GPR84: variants seen among roughly 807,000 people sequenced by gnomAD.
GPR84 encodes G protein-coupled receptor 84.
A neutral mutation model predicts 14.9 loss-of-function variants in GPR84; 8 were observed. The observed-to-expected ratio is 0.54, with a 90% CI of 0.31 to 0.97. GPR84 has a LOEUF of 0.97. GPR84 is among the 50% of genes least tolerant of loss of function. The pLI is 0.04. For missense variants in GPR84, 424 were observed against 498.7 expected, an observed-to-expected ratio of 0.85 and a Z score of 1.43; for synonymous variants, 164 against 198.1, an observed-to-expected ratio of 0.83 and a Z score of 1.45.
downstream of GPR84, among the ~76,000 whole-genome samples, chr12:54,361,489 G>C (rs933001278): frequency 6.6e-6 from 1 of 152,136 alleles, no homozygotes; most frequent in African/African-American, 2.4e-5. This position sits in a 1 kb window ranked among gnomAD's most constrained non-coding sequence, Gnocchi z 4.3. Context: ...TCCTGCCTCA[G>C]CCTTCTGAGT....
In GPR84 at chr12:54,362,567, T is replaced by C. The variant is rs1954280040; in HGVS notation, c.*94A>G. On this transcript the variant is annotated 3_prime_UTR_variant, in exon 2 of 2. Coordinates refer to ENST00000267015, the MANE Select transcript of GPR84 (RefSeq NM_020370.3). This position sits in a 1 kb window ranked among gnomAD's most constrained non-coding sequence, Gnocchi z 4.0. ...GGCTGGGGAGAGATTGTTGTGAAAA[T>C]GCCCACATGTGTTATTTCACCTATT... is the stretch of plus-strand genomic sequence containing the variant. 2.6e-6 allele frequency: 2 copies of C among 757,866 alleles called. No individual in the cohort carries two copies. The highest frequency in any genetic ancestry group is 2.2e-6 in the Non-Finnish European group (1 of 444,988). The allele number at this position is 757,866 out of a possible 1,614,324, so 46.9% of individuals were successfully genotyped here. A position where few individuals can be genotyped will look rare whatever the true frequency, so the allele number is the denominator to read the frequency against.
rs1453442822 is a variant in GPR84, at chr12:54,363,131, G to C, written c.721C>G (p.Leu241Val). ...CCTCCTGATGCTAACCTGCTGTCCA[G>C]CTCCTGGAAACGACCAGGCATGGCC... The part of the protein sequence containing the change: ...DEAMPGRFQE[L>V]DSRLASGGPS... Residue 241 changes from leucine (L) to valine (V), a missense_variant, in exon 2 of 2, where the codon CTG becomes GTG. Leu to Val is a conservative substitution (Grantham distance 32). Coordinates refer to ENST00000267015, the MANE Select transcript of GPR84 (RefSeq NM_020370.3). 5 of 1,614,224 alleles carry C rather than the reference G, an allele frequency of 3.1e-6. No homozygotes were observed. Among genetic ancestry groups the C allele is most frequent in the Non-Finnish European group, 2.5e-6 (3 of 1,180,040 alleles).
the GPR84 span, among the ~76,000 whole-genome samples, chr12:54,354,823 C>A: frequency 6.6e-6 from 1 of 152,254 alleles, no homozygotes; most frequent in Admixed American, 6.5e-5. Flanking sequence ...TGGTCACCTT[C>A]TGCCCACCCT....
chr12:54,350,797 A>C, the GPR84 span: 1 of 522,196 alleles, frequency 1.9e-6, no homozygotes, highest in East Asian at 3.2e-5. Context: ...GATTATGCTC[A>C]CATGCTCCCT....
the GPR84 span, among the ~76,000 whole-genome samples, chr12:54,357,013 G>C: frequency 2.6e-5 from 4 of 152,182 alleles, no homozygotes; most frequent in African/African-American, 9.7e-5. Flanking sequence ...CCCAGTTGAA[G>C]AGGCAGATTT....
In GPR84 at chr12:54,363,754, G is replaced by A. The variant is rs1455312152; in HGVS notation, c.98C>T (p.Thr33Ile). 8 of 1,613,792 alleles carry A rather than the reference G, an allele frequency of 5.0e-6. No homozygotes were observed. The highest frequency in any genetic ancestry group is 6.8e-6 in the Non-Finnish European group (8 of 1,179,984). ...AVSWGVVVAVTGTVGNVLTLL... is the reference protein window; with the variant it reads ...AVSWGVVVAVIGTVGNVLTLL... ...GGTGAGCACATTGCCCACGGTGCCTGTCACAGCCACCACCACCCCCCAGCT... is the reference window on the plus strand; with the variant it reads ...GGTGAGCACATTGCCCACGGTGCCTATCACAGCCACCACCACCCCCCAGCT... The change falls in exon 2 of 2, where the codon ACA becomes ATA. Residue 33 changes from threonine (T) to isoleucine (I), a missense_variant. Physicochemically the swap from Thr to Ile is moderately conservative, Grantham distance 89. Transcript: ENST00000267015.
At chr12:54,356,630 T>A in the GPR84 span, among the ~76,000 whole-genome samples, 2 of 152,144 alleles carry the variant, frequency 1.3e-5, no homozygotes, top group African/African-American at 4.8e-5. Context: ...CTTCTTGCCT[T>A]TACCCTATTG....
At chr12:54,354,259 G>A in the GPR84 span, among the ~76,000 whole-genome samples, 1 of 151,904 alleles carries the variant, frequency 6.6e-6, no homozygotes, top group East Asian at 1.9e-4. Flanking sequence ...GGGACTACAG[G>A]TGTGTGCCAC....
chr12:54,363,281 G>T lies in GPR84; in HGVS notation c.571C>A (p.Leu191Ile). ...ILMGIYFVLG[L>I]SSVGIFYCLI... ...CAATAGAAGATGCCAACACTGCTGA[G>T]CCCAAGCACAAAGTAGATGCCCATG... Residue 191 changes from leucine (L) to isoleucine (I), a missense_variant, in exon 2 of 2, where the codon CTC becomes ATC. By Grantham distance (5) the Leu-to-Ile change is conservative (BLOSUM62 2). Coordinates refer to ENST00000267015, the MANE Select transcript of GPR84 (RefSeq NM_020370.3). 1 of 1,614,148 alleles carries T rather than the reference G, an allele frequency of 6.2e-7. No individual in the cohort carries two copies. Among genetic ancestry groups the T allele is most frequent in the Non-Finnish European group, 8.5e-7 (1 of 1,180,012 alleles).
At chr12:54,358,479 C>T (rs1480875860), downstream of GPR84, among the ~76,000 whole-genome samples, 1 of 152,192 alleles carries the variant, frequency 6.6e-6, no homozygotes, top group Non-Finnish European at 1.5e-5. Flanking sequence ...CGCTCTCCCT[C>T]TCTCTTTTCT....
chr12:54,361,579 C>T (rs1203007443), downstream of GPR84, among the ~76,000 whole-genome samples: 1 of 152,178 alleles, frequency 6.6e-6, no homozygotes, highest in Non-Finnish European at 1.5e-5. This position sits in a 1 kb window ranked among gnomAD's most constrained non-coding sequence, Gnocchi z 4.3. Context: ...CTGTGTTGGT[C>T]AGGCTGGTCT....
At position 54,363,429 on chromosome 12, in the gene GPR84, C is replaced by G; in HGVS notation, c.423G>C (p.Leu141=). 2 of 1,614,068 alleles carry G rather than the reference C, an allele frequency of 1.2e-6. No individual in the cohort carries two copies. The highest frequency in any genetic ancestry group is 1.7e-6 in the Non-Finnish European group (2 of 1,179,974). Residue 141 remains leucine, a synonymous_variant, in exon 2 of 2, where the codon CTG becomes CTC. Transcript: ENST00000267015. ...VFSAKGIVLA[L]VSTWVVGVAS... ...CCACGCCCACAACCCAGGTGCTCACCAGTGCCAGCACTATCCCCTTGGCAC... is the reference window on the plus strand; with the variant it reads ...CCACGCCCACAACCCAGGTGCTCACGAGTGCCAGCACTATCCCCTTGGCAC...
At chr12:54,354,109 C>G in the GPR84 span, among the ~76,000 whole-genome samples, 7 of 151,202 alleles carry the variant, frequency 4.6e-5, no homozygotes, top group East Asian at 1.2e-3. Flanking sequence ...CTTTTCTTTT[C>G]TCTTTTCTTT....
chr12:54,356,195 T>C, the GPR84 span, among the ~76,000 whole-genome samples: 2 of 151,920 alleles, frequency 1.3e-5, no homozygotes, highest in East Asian at 1.9e-4. Context: ...GGAAAGGAAA[T>C]AGGGGTGATT....
chr12:54,357,809 G>T (rs910612672), downstream of GPR84, among the ~76,000 whole-genome samples: 5 of 152,180 alleles, frequency 3.3e-5, no homozygotes, highest in African/African-American at 1.2e-4. Flanking sequence ...GGGACAGGGG[G>T]GAAATGGGCT....
the GPR84 span, among the ~76,000 whole-genome samples, chr12:54,356,866 G>A: frequency 1.3e-5 from 2 of 152,334 alleles, no homozygotes; most frequent in East Asian, 3.9e-4. Flanking sequence ...AAATTTTAGT[G>A]GGAAGGGGTT....
downstream of GPR84, among the ~76,000 whole-genome samples, chr12:54,359,458 C>A (rs1317375395): frequency 8.0e-5 from 4 of 49,808 alleles, no homozygotes; most frequent in Non-Finnish European, 3.8e-5. Context: ...ATTGGAGAGA[C>A]GAGCTTAGGA....
chr12:54,351,427 T>G, the GPR84 span: 2 of 152,326 alleles, frequency 1.3e-5, no homozygotes, highest in African/African-American at 4.8e-5. Flanking sequence ...CTCCCCGACA[T>G]GCATTTACTC....
At chr12:54,359,334 G>A (rs1954244137), downstream of GPR84, among the ~76,000 whole-genome samples, 1 of 151,982 alleles carries the variant, frequency 6.6e-6, no homozygotes, top group Non-Finnish European at 1.5e-5. Context: ...GAAAGGCCCT[G>A]GGCTGACCAT....
Sources: allele counts gnomAD v4.1 joint callset (sites outside exome capture counted in the v4.1 genomes callset), GRCh38; gene constraint gnomAD v4.1.1; non-coding constraint Gnocchi (gnomAD v3.1); transcripts MANE v1.5; gene names NCBI Gene and HGNC (gene_info 2026-07-23, HGNC 2026-07-21).